RPAP2: variants seen among roughly 807,000 people sequenced by gnomAD.
The protein encoded by RPAP2 is RNA polymerase II associated protein 2, also known as putative RNA polymerase II subunit B1 CTD phosphatase RPAP2.
Under a neutral mutation model 73.1 loss-of-function variants are expected in RPAP2, and 52 were observed. The ratio of observed to expected loss-of-function variants is 0.71; its 90% CI spans 0.57 to 0.90. The LOEUF (loss-of-function observed/expected upper bound fraction) is 0.90, where lower values mean the gene tolerates loss of function less well. Ranked by LOEUF, RPAP2 falls within the 40% of genes least tolerant of loss-of-function variation. The probability of loss-of-function intolerance (pLI) is 0.00; values close to 1 mark genes in which losing one functional copy is unlikely to be tolerated. For synonymous variants in RPAP2, 225 were observed against 242.1 expected (o/e 0.93, Z 0.65); for missense variants, 598 against 701.8 (o/e 0.85, Z 1.67).
In RPAP2 at chr1:92,307,174, A is replaced by T. The variant is rs1217263542; in HGVS notation, c.400-14A>T. 2 of 1,574,148 alleles carry T rather than the reference A, an allele frequency of 1.3e-6. No homozygotes were observed. The highest frequency in any genetic ancestry group is 1.7e-6 in the Non-Finnish European group (2 of 1,147,906). On this transcript the variant is annotated splice_polypyrimidine_tract_variant and intron_variant, in intron 5 of 12. Coordinates refer to ENST00000610020, the MANE Select transcript of RPAP2 (RefSeq NM_024813.3). ...ATGATAAGAAAAAAACTAGATTTATAATGTTCTTTTCAGTCTTTTTGCAGC... is the reference window on the plus strand; with the variant it reads ...ATGATAAGAAAAAAACTAGATTTATTATGTTCTTTTCAGTCTTTTTGCAGC...
chr1:92,314,952 C>T (rs1330872374), intron 6 of RPAP2, among the ~76,000 whole-genome samples: 2 of 146,030 alleles, frequency 1.4e-5, no homozygotes, highest in Non-Finnish European at 3.0e-5. Context: ...GGCTGAGGTG[C>T]GAGAATCTCT....
chr1:92,397,394 AT>A lies in RPAP2; in HGVS notation c.*10385del, dbSNP rs1656208747. 1 of 152,096 alleles carries A rather than the reference AT, an allele frequency of 6.6e-6. No individual in the cohort carries two copies. The highest frequency in any genetic ancestry group is 2.4e-5 in the African/African-American group (1 of 41,384). The allele number at this position is 152,096 out of a possible 1,614,324, so 9.4% of individuals were successfully genotyped here. A position where few individuals can be genotyped will look rare whatever the true frequency, so the allele number is the denominator to read the frequency against. On this transcript the variant is annotated 3_prime_UTR_variant, in exon 13 of 13. Transcript: ENST00000610020. Reference sequence around the variant, plus strand: ...GACAGAGCAAGACACTGTCTCAAAAATTAAAAATTAAAAAATGAGGGAAGCT... The same window carrying A: ...GACAGAGCAAGACACTGTCTCAAAAATAAAAATTAAAAAATGAGGGAAGCT...
chr1:92,300,121 G>A, intron 1 of RPAP2, 73 bp from the exon 2 acceptor site: 1 of 1,004,730 alleles, frequency 1.0e-6, no homozygotes, highest in Non-Finnish European at 1.5e-6. Context: ...AATCTTATGA[G>A]ACCGCTGTCT....
intron 11 of RPAP2, 96 bp from the exon 12 acceptor site, chr1:92,380,628 T>C (rs1172144376): frequency 1.6e-5 from 13 of 801,944 alleles, no homozygotes; most frequent in Non-Finnish European, 2.4e-5. Context: ...AGAGACTTTA[T>C]TATTCTCATA....
At chr1:92,339,282 G>A (rs1306468048) in intron 10 of RPAP2, among the ~76,000 whole-genome samples, 1 of 151,998 alleles carries the variant, frequency 6.6e-6, no homozygotes, top group Non-Finnish European at 1.5e-5. Flanking sequence ...CACCTAGGGA[G>A]CCTTTAAAAA....
chr1:92,387,177 C>A lies in RPAP2; in HGVS notation c.*166C>A. 1.9e-6 allele frequency: 1 copy of A among 524,800 alleles called. No homozygotes were observed. The allele number at this position is 524,800 out of a possible 1,614,324, so 32.5% of individuals were successfully genotyped here. ...CTCCCAGTCCTTCAGTCCCCAACTG[C>A]AGAGGATGACCTCCCCAGATAGAGG... On this transcript the variant is annotated 3_prime_UTR_variant, in exon 13 of 13. Transcript: ENST00000610020.
chr1:92,377,021 A>T (rs931163835), intron 11 of RPAP2, among the ~76,000 whole-genome samples: 1 of 152,262 alleles, frequency 6.6e-6, no homozygotes, highest in African/African-American at 2.4e-5. Flanking sequence ...ACTCATAAGT[A>T]GCACATGGTA....
intron 8 of RPAP2, among the ~76,000 whole-genome samples, chr1:92,326,454 G>T (rs1232863327): frequency 6.6e-6 from 1 of 151,982 alleles, no homozygotes; most frequent in Non-Finnish European, 1.5e-5. Context: ...CCAGAAGGTG[G>T]CACTTTCAAG....
At chr1:92,358,828 T>TCC (rs981473126) in intron 11 of RPAP2, among the ~76,000 whole-genome samples, 4 of 152,064 alleles carry the variant, frequency 2.6e-5, no homozygotes, top group Admixed American at 2.6e-4. Context: ...ACTTAAGTGA[T>TCC]CCCCAACCTT....
rs1168429535 is a variant in RPAP2, at chr1:92,398,951, A to G, written c.*11940A>G. ...GAACTTTTGTAAAAGGTCCACACCC[A>G]GCCAGTTTTCTACTCTCTAAATGTT... On this transcript the variant is annotated 3_prime_UTR_variant, in exon 13 of 13. Coordinates refer to ENST00000610020, the MANE Select transcript of RPAP2 (RefSeq NM_024813.3). 1 of 152,254 alleles carries G rather than the reference A, an allele frequency of 6.6e-6. No homozygotes were observed. The highest frequency in any genetic ancestry group is 1.5e-5 in the Non-Finnish European group (1 of 68,040). The allele number at this position is 152,254 out of a possible 1,614,324, so 9.4% of individuals were successfully genotyped here.
In RPAP2 at chr1:92,400,447, G is replaced by A. The variant is rs1025208252; in HGVS notation, c.*13436G>A. The A allele has an allele frequency of 2.6e-5, 4 of 152,288 alleles. No homozygotes were observed. The highest frequency in any genetic ancestry group is 4.4e-5 in the Non-Finnish European group (3 of 68,184). 9.4% of individuals were successfully genotyped at this position (152,288 alleles called of 1,614,324 possible). On this transcript the variant is annotated 3_prime_UTR_variant, in exon 13 of 13. Coordinates refer to ENST00000610020, the MANE Select transcript of RPAP2 (RefSeq NM_024813.3). ...CGATCCTCCCACCTCAACCTCCAGAGTATCTGGGACTATAGGCACGTACCA... is the reference window on the plus strand; with the variant it reads ...CGATCCTCCCACCTCAACCTCCAGAATATCTGGGACTATAGGCACGTACCA...
chr1:92,377,658 A>G (rs1655446986), intron 11 of RPAP2, among the ~76,000 whole-genome samples: 1 of 152,124 alleles, frequency 6.6e-6, no homozygotes, highest in South Asian at 2.1e-4. Flanking sequence ...CTGTTTTGAT[A>G]ATTCTCAAAG....
rs1656302440 is a variant in RPAP2, at chr1:92,400,963, A to G, written c.*13952A>G. 1 of 152,234 alleles carries G rather than the reference A, an allele frequency of 6.6e-6. No individual in the cohort carries two copies. The highest frequency in any genetic ancestry group is 1.5e-5 in the Non-Finnish European group (1 of 68,072). The allele number at this position is 152,234 out of a possible 1,614,324, so 9.4% of individuals were successfully genotyped here. On this transcript the variant is annotated 3_prime_UTR_variant, in exon 13 of 13. Coordinates refer to ENST00000610020, the MANE Select transcript of RPAP2 (RefSeq NM_024813.3). ...AACTTACAATCATAGCAGAAGGCAA[A>G]GGGGAAGAAAGGCACCTTCTTCACA...
intron 6 of RPAP2, among the ~76,000 whole-genome samples, 179 bp from the exon 7 acceptor site, chr1:92,320,420 G>A (rs1166732608): frequency 2.0e-5 from 3 of 151,986 alleles, no homozygotes; most frequent in South Asian, 2.1e-4. Context: ...CTACAGGCGC[G>A]CACCGCCATG....
chr1:92,303,791 C>T (rs1252156007), intron 3 of RPAP2, among the ~76,000 whole-genome samples, 186 bp from the exon 4 acceptor site: 1 of 151,956 alleles, frequency 6.6e-6, no homozygotes, highest in Non-Finnish European at 1.5e-5. Flanking sequence ...TTTGAATGCT[C>T]ACTATATGTT....
chr1:92,300,596 A>G (rs1650769872), intron 2 of RPAP2, among the ~76,000 whole-genome samples: 1 of 152,246 alleles, frequency 6.6e-6, no homozygotes, highest in African/African-American at 2.4e-5. Context: ...TGTTACATCA[A>G]GTCCAGATTT....
chr1:92,304,412 A>G (rs1278740749), intron 5 of RPAP2, 63 bp downstream of exon 5: 1 of 813,262 alleles, frequency 1.2e-6, no homozygotes, highest in Non-Finnish European at 1.9e-6. Flanking sequence ...CTATCCTAAC[A>G]AGGCATGGCA....
chr1:92,385,454 CAGTATTATAA>C (rs1655828578), intron 12 of RPAP2, among the ~76,000 whole-genome samples: 1 of 151,998 alleles, frequency 6.6e-6, no homozygotes, highest in Non-Finnish European at 1.5e-5. Flanking sequence ...ATTACTTTGT[CAGTATTATAA>C]AGGATTATGA....
rs886848797 is a variant in RPAP2 at position 92,390,578 on chromosome 1, CA to C, written c.*3569del. On this transcript the variant is annotated 3_prime_UTR_variant, in exon 13 of 13. Transcript: ENST00000610020. ...TTAAATGTAAATGGGATAAATGCCC[CA>C]ATTAAAAGACACAGACTGGCAAATT... 7.9e-5 allele frequency: 12 copies of C among 152,060 alleles called. No homozygotes were observed. Among genetic ancestry groups the C allele is most frequent in the African/African-American group, 2.9e-4 (12 of 41,378 alleles). The allele number at this position is 152,060 out of a possible 1,614,324, so 9.4% of individuals were successfully genotyped here.
Sources: gnomAD v4.1 joint callset for allele counts (sites outside exome capture counted in the v4.1 genomes callset) on GRCh38, gnomAD v4.1.1 for gene constraint, MANE v1.5 for transcripts, NCBI Gene and HGNC (gene_info 2026-07-23, HGNC 2026-07-21) for gene names.